PATJ: variants seen among roughly 807,000 people sequenced by gnomAD.
The protein encoded by PATJ is inaD-like protein.
In PATJ, 190 loss-of-function variants were observed where a neutral mutation model predicts 224.9. The ratio of observed to expected loss-of-function variants is 0.84; its 90% CI spans 0.75 to 0.95. The LOEUF is 0.95. PATJ is among the 40% of genes least tolerant of loss of function. The probability of loss-of-function intolerance (pLI) is 0.00; values close to 1 mark genes in which losing one functional copy is unlikely to be tolerated. For missense variants in PATJ, 2,121 were observed against 2,270.3 expected (o/e 0.93, Z 1.34); for synonymous variants, 769 against 820.3 (o/e 0.94, Z 1.07).
intron 17 of PATJ, among the ~76,000 whole-genome samples, chr1:61,844,088 G>A (rs1661540415): frequency 6.6e-6 from 1 of 152,124 alleles, no homozygotes; most frequent in Admixed American, 6.5e-5. Flanking sequence ...TATTACAACA[G>A]AATAAAGAGA....
chr1:61,769,532 A>G, intron 5 of PATJ, 110 bp downstream of exon 5: 2 of 1,275,896 alleles, frequency 1.6e-6, no homozygotes, highest in Non-Finnish European at 2.2e-6. Flanking sequence ...AACAGCTAAC[A>G]TTTTTGCTTT....
intron 14 of PATJ, among the ~76,000 whole-genome samples, chr1:61,814,419 A>G (rs1246318021): frequency 6.6e-6 from 1 of 152,110 alleles, no homozygotes; most frequent in East Asian, 1.9e-4. Context: ...CTGGGATTAC[A>G]GGCGTGAGCC....
intron 33 of PATJ, among the ~76,000 whole-genome samples, chr1:62,099,347 CTTTTTTTTTTTTTTTTT>C (rs71050197): frequency 1.8e-5 from 1 of 55,668 alleles, no homozygotes; most frequent in Non-Finnish European, 3.4e-5. Flanking sequence ...ATATCTCCAA[CTTTTTTTTTTTTTTTTT>C]TTTTTTTTTT....
chr1:62,034,869 G>C lies in PATJ; in HGVS notation c.3960-3108G>C, dbSNP rs543621138. On this transcript the variant is annotated intron_variant, in intron 29 of 43. Transcript: ENST00000642238. ...TAACTTGGCCAATTTGAGCTAACTT[G>C]GTTCAGTTCATCACGATCTCTCAAT... Among the ~76,000 whole-genome samples the C allele has an allele frequency of 2.0e-5, 3 of 152,224 alleles. No individual in the cohort carries two copies. The East Asian group carries it at 5.8e-4, about 29-fold the overall frequency.
chr1:62,063,985 C>T (rs1655979068), intron 31 of PATJ, among the ~76,000 whole-genome samples: 1 of 152,082 alleles, frequency 6.6e-6, no homozygotes, highest in South Asian at 2.1e-4. Context: ...ATTCGAATGC[C>T]TTTTATTTCT....
intron 28 of PATJ, among the ~76,000 whole-genome samples, chr1:62,002,062 G>A (rs186679130): frequency 1.3e-5 from 2 of 152,210 alleles, no homozygotes; most frequent in Admixed American, 1.3e-4. Context: ...TGGGGATGCG[G>A]GTGATTAGGC....
At chr1:61,908,067 G>A (rs1672097510) in intron 24 of PATJ, among the ~76,000 whole-genome samples, 1 of 152,146 alleles carries the variant, frequency 6.6e-6, no homozygotes, top group African/African-American at 2.4e-5. Flanking sequence ...TCCTGGCAGA[G>A]GTGACAGACA....
chr1:62,150,349 C>T (rs571643823), intron 42 of PATJ, among the ~76,000 whole-genome samples: 119 of 152,162 alleles, frequency 7.8e-4, no homozygotes, highest in African/African-American at 2.8e-3. Context: ...AGAGAGCTGC[C>T]AGAGAAGTGG....
chr1:62,042,657 TAAA>T (rs1255921260), intron 30 of PATJ, among the ~76,000 whole-genome samples: 2 of 152,120 alleles, frequency 1.3e-5, no homozygotes, highest in African/African-American at 4.8e-5. Context: ...GCTATTTTTT[TAAA>T]AAAAAAGACA....
intron 20 of PATJ, among the ~76,000 whole-genome samples, chr1:61,868,630 A>T (rs1665770081): frequency 6.6e-6 from 1 of 151,954 alleles, no homozygotes; most frequent in Non-Finnish European, 1.5e-5. Flanking sequence ...CTCTACTAAA[A>T]ATAGAAAAAT....
At position 61,775,235 on chromosome 1, in the gene PATJ, G is replaced by A. The variant is rs1456476878; in HGVS notation, c.750G>A (p.Glu250=). 6.2e-7 allele frequency: 1 copy of A among 1,613,270 alleles called. No homozygotes were observed. Among genetic ancestry groups the A allele is most frequent in the East Asian group, 2.2e-5 (1 of 44,828 alleles). Reference sequence around the variant, plus strand: ...GTTGGGGCCATGTTGAAGAGGTTGAGCTCATTAATGATGGCTCTGGACTAG... The same window carrying A: ...GTTGGGGCCATGTTGAAGAGGTTGAACTCATTAATGATGGCTCTGGACTAG... ...TVCWGHVEEV[E]LINDGSGLGF... Residue 250 remains glutamate (E), a synonymous_variant, in exon 7 of 44, where the codon GAG becomes GAA. Coordinates refer to ENST00000642238, the MANE Select transcript of PATJ (RefSeq NM_001350145.3).
intron 29 of PATJ, among the ~76,000 whole-genome samples, chr1:62,030,744 T>A (rs1344740099): frequency 1.3e-5 from 2 of 151,864 alleles, no homozygotes; most frequent in African/African-American, 4.9e-5. Context: ...TCAACTGTTC[T>A]TAAACTTAAT....
chr1:62,137,118 A>G (rs896989253), intron 41 of PATJ, among the ~76,000 whole-genome samples: 2 of 152,094 alleles, frequency 1.3e-5, no homozygotes, highest in African/African-American at 4.8e-5. Context: ...TTTATTACTC[A>G]TTTCGAAAGC....
At chr1:61,988,565 C>A (rs1288039290) in intron 27 of PATJ, among the ~76,000 whole-genome samples, 3 of 152,164 alleles carry the variant, frequency 2.0e-5, no homozygotes, top group Non-Finnish European at 4.4e-5. Context: ...GCAAGTCCTT[C>A]ATTTTACTGT....
At chr1:62,128,445 T>C in intron 40 of PATJ, 1 of 275,510 alleles carries the variant, frequency 3.6e-6, no homozygotes. Flanking sequence ...TTTTTATGAT[T>C]TCTCCCCCTT....
intron 27 of PATJ, among the ~76,000 whole-genome samples, chr1:61,967,293 T>A (rs1682314335): frequency 2.0e-5 from 3 of 152,234 alleles, no homozygotes; most frequent in African/African-American, 7.2e-5. Context: ...AAGAACTGCC[T>A]TTTTATTCCT....
At chr1:62,019,024 C>T (rs555797250) in intron 29 of PATJ, among the ~76,000 whole-genome samples, 1 of 152,094 alleles carries the variant, frequency 6.6e-6, no homozygotes, top group African/African-American at 2.4e-5. Context: ...CTGAGGATCA[C>T]CTGAGATTAG....
intron 24 of PATJ, among the ~76,000 whole-genome samples, chr1:61,907,789 T>C (rs1672056992): frequency 6.6e-6 from 1 of 152,240 alleles, no homozygotes. Context: ...ATGGGCATGT[T>C]AGCAAGTTAT....
chr1:61,912,728 G>A (rs1488047050), intron 25 of PATJ, among the ~76,000 whole-genome samples: 2 of 137,904 alleles, frequency 1.5e-5, no homozygotes, highest in Non-Finnish European at 3.1e-5. Context: ...GAGGGGAGGG[G>A]AGGGAAGGCA....
Sources: gnomAD v4.1 joint callset for allele counts (sites outside exome capture counted in the v4.1 genomes callset) on GRCh38, gnomAD v4.1.1 for gene constraint, MANE v1.5 for transcripts, NCBI Gene and HGNC (gene_info 2026-07-23, HGNC 2026-07-21) for gene names.